The following RLBP1 variants were observed in gnomAD, a reference collection of about 807,000 sequenced individuals.
The protein encoded by RLBP1 is retinaldehyde binding protein 1.
RLBP1 carries 26 observed loss-of-function variants against 36.2 expected under a neutral mutation model. The observed-to-expected ratio is 0.72, with a 90% CI of 0.53 to 1.00. The LOEUF is 1.00. RLBP1 is among the 50% of genes least tolerant of loss of function. The probability of loss-of-function intolerance (pLI) is 0.00; values close to 1 mark genes in which losing one functional copy is unlikely to be tolerated. For synonymous variants in RLBP1, 155 were observed against 156.2 expected (o/e 0.99, Z 0.06); for missense variants, 410 against 402.4 (o/e 1.02, Z -0.16).
In RLBP1 at chr15:89,218,628, T is replaced by C. The variant is rs780567351; in HGVS notation, c.78A>G (p.Thr26=). 6.2e-7 allele frequency: 1 copy of C among 1,614,088 alleles called. No homozygotes were observed. The highest frequency in any genetic ancestry group is 8.5e-7 in the Non-Finnish European group (1 of 1,180,046). The change falls in exon 4 of 9, where the codon ACA becomes ACG. Residue 26 remains threonine (T), a synonymous_variant. Transcript: ENST00000268125. This position sits in a 1 kb window ranked among gnomAD's most constrained non-coding sequence, Gnocchi z 4.6. The part of the protein sequence containing the change: ...QELRAQLEQL[T]TKDHGPVFGP... ...CAAAGACAGGTCCATGGTCCTTGGT[T>C]GTGAGCTGCTCCAGTTGGGCACGGA...
At chr15:89,213,024 C>T (rs560194697) in intron 6 of RLBP1, among the ~76,000 whole-genome samples, 7 of 152,140 alleles carry the variant, frequency 4.6e-5, no homozygotes, top group South Asian at 4.1e-4. Context: ...TGAGCCACTG[C>T]GCCCAGCCAA....
At chr15:89,217,022 A>G (rs2051585784) in intron 5 of RLBP1, 98 bp downstream of exon 5, 1 of 1,296,024 alleles carries the variant, frequency 7.7e-7, no homozygotes, top group Admixed American at 1.8e-5. Flanking sequence ...ACTTGCCCAC[A>G]GTATGGAAGC....
rs761142951 is a variant in RLBP1 at position 89,217,200 on chromosome 15, T to G, written c.266A>C (p.Gln89Pro). ...ELAVAVAERV[Q>P]EKDSGFFLRF... ...CAGGAAGAAGCCGCTGTCCTTCTCT[T>G]GCACCCTCTCCGCCACGGCCACCGC... The change falls in exon 5 of 9, where the codon CAA becomes CCA. Residue 89 changes from glutamine to proline, a missense_variant. Transcript: ENST00000268125. 2.5e-6 allele frequency: 4 copies of G among 1,613,830 alleles called. No homozygotes were observed. The highest frequency in any genetic ancestry group is 1.3e-5 in the African/African-American group (1 of 75,066).
rs886051502 is a variant in RLBP1 at position 89,219,740 on chromosome 15, A to C, written c.-104T>G. The C allele has an allele frequency of 6.6e-6, 1 of 152,310 alleles. No homozygotes were observed. Among genetic ancestry groups the C allele is most frequent in the Non-Finnish European group, 1.5e-5 (1 of 68,148 alleles). The allele number at this position is 152,310 out of a possible 1,614,324, so 9.4% of individuals were successfully genotyped here. ...AGCCAGGGATCAGTACTCAGACCCA[A>C]GTTGTGACTTCCTGTCAGGACCAAG... is the stretch of plus-strand genomic sequence containing the variant. On this transcript the variant is annotated 5_prime_UTR_variant, in exon 2 of 9. Coordinates refer to ENST00000268125, the MANE Select transcript of RLBP1 (RefSeq NM_000326.5).
Position 89,219,042 on chromosome 15 carries a change from C to T in RLBP1, c.-67G>A. ...TCTGCTTTCTCTGTCCTGGCCTCTC[C>T]AGCCGGCCCCTTCCCTAGGATAGGA... is the stretch of plus-strand genomic sequence containing the variant. On this transcript the variant is annotated 5_prime_UTR_variant, in exon 3 of 9. Coordinates refer to ENST00000268125, the MANE Select transcript of RLBP1 (RefSeq NM_000326.5). 6.2e-7 allele frequency: 1 copy of T among 1,602,894 alleles called. No individual in the cohort carries two copies. Among genetic ancestry groups the T allele is most frequent in the Admixed American group, 1.7e-5 (1 of 60,008 alleles).
chr15:89,212,304 G>A (rs2051544822), intron 6 of RLBP1, among the ~76,000 whole-genome samples: 1 of 152,194 alleles, frequency 6.6e-6, no homozygotes, highest in Admixed American at 6.5e-5. Context: ...TGTGTGGGCT[G>A]GGTGCGGTGG....
chr15:89,217,218 G>T lies in RLBP1; in HGVS notation c.248C>A (p.Ala83Asp). Residue 83 changes from alanine (A) to aspartate (D), a missense_variant, in exon 5 of 9, where the codon GCC becomes GAC. By Grantham distance (126) the Ala-to-Asp change is moderately radical (BLOSUM62 -2). Transcript: ENST00000268125. ...CTTCTCTTGCACCCTCTCCGCCACG[G>T]CCACCGCCAGCTCCTCCCCCGAGGC... ...QAASGEELAV[A>D]VAERVQEKDS... 6.2e-7 allele frequency: 1 copy of T among 1,613,086 alleles called. No individual in the cohort carries two copies. Among genetic ancestry groups the T allele is most frequent in the Admixed American group, 1.7e-5 (1 of 60,022 alleles).
In RLBP1 at chr15:89,210,217, C is replaced by T; in HGVS notation, c.*68G>A. On this transcript the variant is annotated 3_prime_UTR_variant, in exon 9 of 9. Coordinates refer to ENST00000268125, the MANE Select transcript of RLBP1 (RefSeq NM_000326.5). This position sits in a 1 kb window ranked among gnomAD's most constrained non-coding sequence, Gnocchi z 4.7. ...TCATCTCAAGCAGCCCTTTCCTAGC[C>T]TTGGGTCCAGGACAGTTGAGGAGAG... The T allele has an allele frequency of 1.3e-6, 2 of 1,589,106 alleles. No homozygotes were observed. The highest frequency in any genetic ancestry group is 1.7e-6 in the Non-Finnish European group (2 of 1,162,426).
chr15:89,221,193 G>A (rs955920486), intron 1 of RLBP1, among the ~76,000 whole-genome samples: 4 of 152,036 alleles, frequency 2.6e-5, no homozygotes, highest in African/African-American at 9.7e-5. Flanking sequence ...ATTTTTAGTG[G>A]AGATGGGGTT....
rs150318794 is a variant in RLBP1 at position 89,210,793 on chromosome 15, C to T, written c.701G>A (p.Arg234Gln). Residue 234 changes from arginine to glutamine, a missense_variant, in exon 8 of 9, where the codon CGG (arginine) becomes CAG (glutamine). Physicochemically the swap from Arg to Gln is conservative, Grantham distance 43. Transcript: ENST00000268125. This position sits in a 1 kb window ranked among gnomAD's most constrained non-coding sequence, Gnocchi z 4.7. Reference sequence around the variant, plus strand: ...GTGGATGAAGTGGATGGCTTTGAACCGGGCTGGGAAGGAATCCTGCGGTGA... The same window carrying T: ...GTGGATGAAGTGGATGGCTTTGAACTGGGCTGGGAAGGAATCCTGCGGTGA... ...VDMLQDSFPA[R>Q]FKAIHFIHQP... 2.6e-5 allele frequency: 42 copies of T among 1,590,906 alleles called. No individual in the cohort carries two copies. The highest frequency in any genetic ancestry group is 3.5e-5 in the Non-Finnish European group (41 of 1,166,832).
chr15:89,216,392 A>G (rs898029034), intron 5 of RLBP1, among the ~76,000 whole-genome samples: 4 of 151,254 alleles, frequency 2.6e-5, no homozygotes, highest in Admixed American at 6.6e-5. Context: ...GCACGATCTC[A>G]GCTCACCGCA....
Position 89,210,346 on chromosome 15 carries a change from C to T in RLBP1, c.893G>A (p.Gly298Asp), listed in dbSNP as rs777120727. 36 of 1,614,120 alleles carry T rather than the reference C, an allele frequency of 2.2e-5. No individual in the cohort carries two copies. The highest frequency in any genetic ancestry group is 2.8e-5 in the Non-Finnish European group (33 of 1,180,048). Residue 298 changes from glycine (G) to aspartate (D), a missense_variant, in exon 9 of 9, where the codon GGC becomes GAC. By Grantham distance (94) the Gly-to-Asp change is moderately conservative (BLOSUM62 -1). Coordinates refer to ENST00000268125, the MANE Select transcript of RLBP1 (RefSeq NM_000326.5). The surrounding 1 kb of genome is among the most constrained non-coding windows in gnomAD (Gnocchi z 4.7). ...AAAGAGCTGCTCAGCAACGGCCTTG[C>T]CATCATACTTGGGCAGCGTGCCCCC... ...DFGGTLPKYD[G>D]KAVAEQLFGP...
chr15:89,213,834 C>A (rs2051557212), intron 6 of RLBP1, among the ~76,000 whole-genome samples: 1 of 152,150 alleles, frequency 6.6e-6, no homozygotes, highest in Non-Finnish European at 1.5e-5. Context: ...CCAAAACATA[C>A]TCCTAATATT....
Position 89,210,485 on chromosome 15 carries a change from G to A in RLBP1, c.796-42C>T. On this transcript the variant is annotated intron_variant, in intron 8 of 8. Transcript: ENST00000268125. The surrounding 1 kb of genome is among the most constrained non-coding windows in gnomAD (Gnocchi z 4.7). ...GAGACAGAACTGAGCAGGAGGAGGT[G>A]CCCTAAGGATGAGGGTTGAGGGAGG... 6.2e-7 allele frequency: 1 copy of A among 1,610,018 alleles called. No individual in the cohort carries two copies. The highest frequency in any genetic ancestry group is 1.1e-5 in the South Asian group (1 of 90,916).
Position 89,211,942 on chromosome 15 carries a change from A to G in RLBP1, c.526-41T>C, listed in dbSNP as rs2051541979. On this transcript the variant is annotated intron_variant, in intron 6 of 8. Transcript: ENST00000268125. The surrounding 1 kb of genome is among the most constrained non-coding windows in gnomAD (Gnocchi z 5.8). ...AACAGGCTGTAAGATCTAACCCGCA[A>G]CAATAATTAAGGCTTGAGGTCCTGA... is the stretch of plus-strand genomic sequence containing the variant. 1.9e-6 allele frequency: 3 copies of G among 1,610,278 alleles called. No homozygotes were observed. The highest frequency in any genetic ancestry group is 2.7e-5 in the African/African-American group (2 of 74,872).
At chr15:89,215,322 C>CAGGAGGCCAGGT in intron 5 of RLBP1, 84 bp from the exon 6 acceptor site, 3 of 1,363,900 alleles carry the variant, frequency 2.2e-6, no homozygotes, top group Non-Finnish European at 2.1e-6. Flanking sequence ...AGAGACCTGA[C>CAGGAGGCCAGGT]CTCCTGCCAG....
chr15:89,215,169 G>T lies in RLBP1; in HGVS notation c.416C>A (p.Thr139Asn), dbSNP rs150621479. 6.2e-7 allele frequency: 1 copy of T among 1,614,190 alleles called. No individual in the cohort carries two copies. The highest frequency in any genetic ancestry group is 1.3e-5 in the African/African-American group (1 of 75,060). The change falls in exon 6 of 9, where the codon ACC becomes AAC. Residue 139 changes from threonine (T) to asparagine (N), a missense_variant. Coordinates refer to ENST00000268125, the MANE Select transcript of RLBP1 (RefSeq NM_000326.5). ...GACACCAGGGTAGCCAGCTTCAATG[G>T]TGCAGCGGACAGCCTCTGGGGACAG... ...DSLSPEAVRC[T>N]IEAGYPGVLS...
chr15:89,218,024 G>C lies in RLBP1; in HGVS notation c.141+541C>G, dbSNP rs929177778. On this transcript the variant is annotated intron_variant, in intron 4 of 8. Coordinates refer to ENST00000268125, the MANE Select transcript of RLBP1 (RefSeq NM_000326.5). This position sits in a 1 kb window ranked among gnomAD's most constrained non-coding sequence, Gnocchi z 4.6. ...CCCAAGGAAGCAGAGATGGAAGCTG[G>C]GTGCCCAGGCTCAGCTCAGCCACTT... 6.6e-6 allele frequency among the ~76,000 whole-genome samples: 1 copy of C among 152,146 alleles called. No homozygotes were observed. The highest frequency in any genetic ancestry group is 2.4e-5 in the African/African-American group (1 of 41,400).
chr15:89,218,508 T>A lies in RLBP1; in HGVS notation c.141+57A>T. 6.2e-7 allele frequency: 1 copy of A among 1,611,996 alleles called. No homozygotes were observed. The highest frequency in any genetic ancestry group is 8.5e-7 in the Non-Finnish European group (1 of 1,178,602). ...TTTCACAGGAGAGAGAATGCAGTCA[T>A]GTTCCCCTCATGTTGCCTCCCTAGG... On this transcript the variant is annotated intron_variant, in intron 4 of 8. Transcript: ENST00000268125. This position sits in a 1 kb window ranked among gnomAD's most constrained non-coding sequence, Gnocchi z 4.6.
Sources: allele counts gnomAD v4.1 joint callset (sites outside exome capture counted in the v4.1 genomes callset), GRCh38; gene constraint gnomAD v4.1.1; non-coding constraint Gnocchi (gnomAD v3.1); transcripts MANE v1.5; gene names NCBI Gene and HGNC (gene_info 2026-07-23, HGNC 2026-07-21).